ORC2: variants seen among roughly 807,000 people sequenced by gnomAD.
ORC2 encodes the protein origin recognition complex protein 2 homolog.
A neutral mutation model predicts 77.7 loss-of-function variants in ORC2; 37 were observed. The observed-to-expected ratio is 0.48, with a 90% confidence interval of 0.37 to 0.63. The LOEUF (loss-of-function observed/expected upper bound fraction) is 0.63. Ranked by LOEUF, ORC2 falls within the 20% of genes least tolerant of loss-of-function variation. The probability of loss-of-function intolerance (pLI) is 0.00; values close to 1 mark genes in which losing one functional copy is unlikely to be tolerated. For missense variants in ORC2, 557 were observed against 661.9 expected (o/e 0.84, Z 1.74); for synonymous variants, 201 against 229.5 (o/e 0.88, Z 1.12).
At chr2:200,941,410 G>A (rs748761278) in intron 6 of ORC2, 131 bp from the exon 7 acceptor site, 710 of 670,822 alleles carry the variant, frequency 1.1e-3, no homozygotes, top group Non-Finnish European at 1.6e-3. Flanking sequence ...TGGGAGGCAA[G>A]GCAGGAAGAT....
chr2:200,940,368 C>A (rs2041125059), intron 7 of ORC2, among the ~76,000 whole-genome samples: 1 of 152,088 alleles, frequency 6.6e-6, no homozygotes, highest in South Asian at 2.1e-4. Flanking sequence ...AATAAAATAC[C>A]CTTTACAGAC....
Position 200,954,685 on chromosome 2 carries a change from T to C in ORC2, c.238+2716A>G, listed in dbSNP as rs534108232. Among the ~76,000 whole-genome samples, 14 of 152,194 alleles carry C rather than the reference T, an allele frequency of 9.2e-5. No individual in the cohort carries two copies. In the South Asian group the frequency reaches 2.9e-3, roughly 32 times the overall value. ...GGAAAAAAGACTTTGACATTATTAA[T>C]ATAATAGTCTGTGGCCCTCCAAAGC... On this transcript the variant is annotated intron_variant, in intron 4 of 17. Transcript: ENST00000234296.
chr2:200,924,931 T>C (rs1268204518), intron 13 of ORC2, among the ~76,000 whole-genome samples: 1 of 152,048 alleles, frequency 6.6e-6, no homozygotes, highest in Non-Finnish European at 1.5e-5. Flanking sequence ...GCTAATTTTT[T>C]TGTATTTTTG....
intron 5 of ORC2, chr2:200,943,168 T>C (rs778204454): frequency 7.1e-5 from 11 of 154,908 alleles, no homozygotes; most frequent in Non-Finnish European, 1.4e-4. Context: ...GTGAAAACTG[T>C]GCAGAGTTAA....
intron 5 of ORC2, among the ~76,000 whole-genome samples, chr2:200,947,160 C>T (rs2041265652): frequency 6.6e-6 from 1 of 151,868 alleles, no homozygotes; most frequent in African/African-American, 2.4e-5. Context: ...CCTCGGCCTC[C>T]CAAAGTGCTG....
rs1412632120 is a variant in ORC2, at chr2:200,920,097, T to C, written c.1466+125A>G. 4 of 657,388 alleles carry C rather than the reference T, an allele frequency of 6.1e-6. No homozygotes were observed. The East Asian group carries it at 1.1e-4, about 18-fold the overall frequency. 40.7% of individuals were successfully genotyped at this position (657,388 alleles called of 1,614,324 possible). A position where few individuals can be genotyped will look rare whatever the true frequency, so the allele number is the denominator to read the frequency against. ...TACTCCATAATCCAGTACTGGTAACTATTATTACTATAATTTCACTTAATC... is the reference window on the plus strand; with the variant it reads ...TACTCCATAATCCAGTACTGGTAACCATTATTACTATAATTTCACTTAATC... On this transcript the variant is annotated intron_variant, in intron 15 of 17. Transcript: ENST00000234296.
intron 11 of ORC2, among the ~76,000 whole-genome samples, chr2:200,927,613 A>G (rs2040862781): frequency 6.7e-6 from 1 of 148,864 alleles, no homozygotes; most frequent in South Asian, 2.1e-4. Flanking sequence ...TGGCGTGAAC[A>G]CGGAAGGCGG....
intron 4 of ORC2, among the ~76,000 whole-genome samples, chr2:200,956,067 C>G (rs1559024908): frequency 6.6e-6 from 1 of 151,914 alleles, no homozygotes; most frequent in Non-Finnish European, 1.5e-5. Context: ...ATATAAATAT[C>G]TTTTTTTTGT....
chr2:200,947,212 A>G (rs540869317), intron 5 of ORC2, among the ~76,000 whole-genome samples: 1 of 152,284 alleles, frequency 6.6e-6, no homozygotes, highest in East Asian at 1.9e-4. Flanking sequence ...AAAAAAACTT[A>G]ATTTCTTGAT....
At chr2:200,944,067 T>TA (rs2041204903) in intron 5 of ORC2, among the ~76,000 whole-genome samples, 1 of 152,202 alleles carries the variant, frequency 6.6e-6, no homozygotes, top group African/African-American at 2.4e-5. Context: ...ATTTTGGTGT[T>TA]ATACTGAAAC....
At chr2:200,930,262 A>G (rs1046292675) in intron 11 of ORC2, among the ~76,000 whole-genome samples, 2 of 152,244 alleles carry the variant, frequency 1.3e-5, no homozygotes, top group African/African-American at 4.8e-5. Flanking sequence ...TCAAAGCAGC[A>G]GAAATAAAGA....
At chr2:200,916,907 G>T (rs1412069224) in intron 15 of ORC2, among the ~76,000 whole-genome samples, 1 of 151,586 alleles carries the variant, frequency 6.6e-6, no homozygotes, top group Non-Finnish European at 1.5e-5. Context: ...TGTTAGCCAG[G>T]ATGGTCTTGA....
At chr2:200,953,973 C>T (rs377013595) in intron 4 of ORC2, among the ~76,000 whole-genome samples, 6 of 152,170 alleles carry the variant, frequency 3.9e-5, no homozygotes, top group South Asian at 2.1e-4. Context: ...CATGCCACCA[C>T]GCCCAGCTAA....
chr2:200,925,085 TA>T, intron 13 of ORC2, among the ~76,000 whole-genome samples: 1 of 152,276 alleles, frequency 6.6e-6, no homozygotes, highest in South Asian at 2.1e-4. Context: ...ATAAAAACAT[TA>T]AACAATATAA....
At chr2:200,935,022 T>C (rs2041010526) in intron 9 of ORC2, among the ~76,000 whole-genome samples, 1 of 152,214 alleles carries the variant, frequency 6.6e-6, no homozygotes, top group Non-Finnish European at 1.5e-5. Context: ...AAAAACAAGA[T>C]ACACTGAGAA....
chr2:200,915,135 C>A (rs1450241772), intron 15 of ORC2, among the ~76,000 whole-genome samples: 1 of 151,076 alleles, frequency 6.6e-6, no homozygotes, highest in African/African-American at 2.4e-5. Flanking sequence ...CCTGCCTCAG[C>A]CTCCGAGTAG....
At chr2:200,933,223 G>A (rs1323213869) in intron 10 of ORC2, among the ~76,000 whole-genome samples, 1 of 150,048 alleles carries the variant, frequency 6.7e-6, no homozygotes, top group African/African-American at 2.5e-5. Flanking sequence ...ATAACTGTAT[G>A]GTATTTTTTT....
Position 200,931,193 on chromosome 2 carries a change from C to T in ORC2, c.917+146G>A, listed in dbSNP as rs565478355. 7 of 411,632 alleles carry T rather than the reference C, an allele frequency of 1.7e-5. No individual in the cohort carries two copies. In the South Asian group the frequency reaches 4.3e-4, roughly 25 times the overall value. 25.5% of individuals were successfully genotyped at this position (411,632 alleles called of 1,614,324 possible). A position where few individuals can be genotyped will look rare whatever the true frequency, so the allele number is the denominator to read the frequency against. On this transcript the variant is annotated intron_variant, in intron 11 of 17. Transcript: ENST00000234296. The stretch of plus-strand genomic sequence containing the variant: ...TAAAGTGACATTTCTATATCTGAGT[C>T]ATAATGTCTATTTTTACATTTATTT...
Position 200,911,010 on chromosome 2 carries a change from A to G in ORC2, c.*291T>C, listed in dbSNP as rs1198079496. The G allele has an allele frequency of 1.6e-5, 4 of 242,438 alleles. No individual in the cohort carries two copies. The Admixed American group carries it at 2.0e-4, about 12-fold the overall frequency. The allele number at this position is 242,438 out of a possible 1,614,324, so 15.0% of individuals were successfully genotyped here. ...TCTAAGTATAAAATAATTCAAAAAC[A>G]TCCAGTTCCAAATAGTCCCTGAGCA... is the stretch of plus-strand genomic sequence containing the variant. On this transcript the variant is annotated 3_prime_UTR_variant, in exon 18 of 18. Coordinates refer to ENST00000234296, the MANE Select transcript of ORC2 (RefSeq NM_006190.5).
Sources: allele counts gnomAD v4.1 joint callset (sites outside exome capture counted in the v4.1 genomes callset), GRCh38; gene constraint gnomAD v4.1.1; transcripts MANE v1.5; gene names NCBI Gene and HGNC (gene_info 2026-07-23, HGNC 2026-07-21).